The following COL5A1 variants were observed in gnomAD, a reference collection of about 807,000 sequenced individuals.
COL5A1 encodes collagen type V alpha 1 chain.
COL5A1 carries 16 observed loss-of-function variants against 263.7 expected under a neutral mutation model. The ratio of observed to expected loss-of-function variants is 0.06; its 90% CI spans 0.04 to 0.09. COL5A1 has a LOEUF of 0.09. Ranked by LOEUF, COL5A1 falls within the 10% of genes least tolerant of loss-of-function variation. The pLI is 1.00. For missense variants in COL5A1, 2,036 were observed against 2,540.5 expected (o/e 0.80, Z 4.27); for synonymous variants, 1,012 against 1,004.5 (o/e 1.01, Z -0.14).
rs78810908 is a variant in COL5A1, at chr9:134,750,930, C to T, written c.1662+48C>T. On this transcript the variant is annotated intron_variant, in intron 13 of 65. Coordinates refer to ENST00000371817, the MANE Select transcript of COL5A1 (RefSeq NM_000093.5). Reference sequence around the variant, plus strand: ...AGGCCTGAAGGGGACAGAGCCCAGCCCCAGGGGCCAACAGGAGTGAGTGAG... The same window carrying T: ...AGGCCTGAAGGGGACAGAGCCCAGCTCCAGGGGCCAACAGGAGTGAGTGAG... 1.1e-3 allele frequency: 1,737 copies of T among 1,515,486 alleles called. 15 individuals carry two copies. In the African/African-American group the frequency reaches 0.021, roughly 18 times the overall value. The allele number at this position is 1,515,486 out of a possible 1,614,324, so 93.9% of individuals were successfully genotyped here.
Position 134,818,186 on chromosome 9 carries a change from C to T in COL5A1, c.4230+355C>T, listed in dbSNP as rs1027935441. On this transcript the variant is annotated intron_variant, in intron 54 of 65. Transcript: ENST00000371817. This position sits in a 1 kb window ranked among gnomAD's most constrained non-coding sequence, Gnocchi z 6.0. ...TGAGCCGCCTACCTCTGAAGTGGAC[C>T]GTGTCCGATGGTGACCGTGTCTGCT... 2.6e-5 allele frequency among the ~76,000 whole-genome samples: 4 copies of T among 152,212 alleles called. No individual in the cohort carries two copies. The highest frequency in any genetic ancestry group is 6.5e-5 in the Admixed American group (1 of 15,288).
In COL5A1 at chr9:134,642,304, C is replaced by G; in HGVS notation, c.109+8C>G. ...CGCCTCCGAGCCGCGCAGGTAAGGG[C>G]GCCCCGGGGCGCGGGGCTGCGGGAT... On this transcript the variant is annotated splice_region_variant and intron_variant, in intron 1 of 65. Transcript: ENST00000371817. This position sits in a 1 kb window ranked among gnomAD's most constrained non-coding sequence, Gnocchi z 4.5. 5 of 923,854 alleles carry G rather than the reference C, an allele frequency of 5.4e-6. No individual in the cohort carries two copies. Among genetic ancestry groups the G allele is most frequent in the Non-Finnish European group, 6.9e-6 (5 of 728,302 alleles). The allele number at this position is 923,854 out of a possible 1,614,324, so 57.2% of individuals were successfully genotyped here. A position where few individuals can be genotyped will look rare whatever the true frequency, so the allele number is the denominator to read the frequency against.
At chr9:134,823,320 C>A (rs1260621561) in intron 60 of COL5A1, 96 bp from the exon 61 acceptor site, 4 of 1,373,842 alleles carry the variant, frequency 2.9e-6, no homozygotes, top group Admixed American at 1.7e-5. Context: ...CCACCTCCCC[C>A]ACATAGGTCT....
rs1158649406 is a variant in COL5A1, at chr9:134,679,930, TG to T, written c.110-10976del. Among the ~76,000 whole-genome samples, 13 of 151,618 alleles carry T rather than the reference TG, an allele frequency of 8.6e-5. No individual in the cohort carries two copies. The South Asian group carries it at 2.3e-3, about 27-fold the overall frequency. The stretch of plus-strand genomic sequence containing the variant: ...TGCCCAGGACCATGGGGCTTGTACA[TG>T]GGGGGTTTAGGATCCAAGTCAGTCC... On this transcript the variant is annotated intron_variant, in intron 1 of 65. Coordinates refer to ENST00000371817, the MANE Select transcript of COL5A1 (RefSeq NM_000093.5).
At chr9:134,701,473 C>T (rs1419279027) in intron 4 of COL5A1, 140 bp downstream of exon 4, 2 of 848,482 alleles carry the variant, frequency 2.4e-6, no homozygotes, top group African/African-American at 1.7e-5. Context: ...TGGTCAGAAG[C>T]CTCTGCTGCC....
Position 134,647,714 on chromosome 9 carries a change from C to T in COL5A1, c.109+5418C>T, listed in dbSNP as rs995589446. Among the ~76,000 whole-genome samples the T allele has an allele frequency of 3.9e-5, 6 of 152,168 alleles. No homozygotes were observed. The highest frequency in any genetic ancestry group is 2.1e-4 in the South Asian group (1 of 4,822). ...AGGGCAAGCCGGGTCCAGCTGGATC[C>T]GACAATTTCATGTCTTTTTAAACTC... On this transcript the variant is annotated intron_variant, in intron 1 of 65. Coordinates refer to ENST00000371817, the MANE Select transcript of COL5A1 (RefSeq NM_000093.5). This position sits in a 1 kb window ranked among gnomAD's most constrained non-coding sequence, Gnocchi z 5.0.
At position 134,742,801 on chromosome 9, in the gene COL5A1, A is replaced by G. The variant is rs1286138087; in HGVS notation, c.1494+3993A>G. ...GGCTGTGCATTTGTGAAGGTTCCCT[A>G]TGATGCCATGGTGGCAGTGCCGTGC... On this transcript the variant is annotated intron_variant, in intron 11 of 65. Transcript: ENST00000371817. The surrounding 1 kb of genome is among the most constrained non-coding windows in gnomAD (Gnocchi z 4.6). Among the ~76,000 whole-genome samples, 3 of 152,202 alleles carry G rather than the reference A, an allele frequency of 2.0e-5. No homozygotes were observed. Among genetic ancestry groups the G allele is most frequent in the African/African-American group, 7.2e-5 (3 of 41,454 alleles).
chr9:134,822,163 G>A lies in COL5A1; in HGVS notation c.4608+13G>A. 1 of 1,602,526 alleles carries A rather than the reference G, an allele frequency of 6.2e-7. No homozygotes were observed. Among genetic ancestry groups the A allele is most frequent in the Non-Finnish European group, 8.5e-7 (1 of 1,170,384 alleles). On this transcript the variant is annotated intron_variant, in intron 59 of 65. Coordinates refer to ENST00000371817, the MANE Select transcript of COL5A1 (RefSeq NM_000093.5). ...CCCTGGCCTGCCGGTGTGTATCTGG[G>A]AGGGGCTTGGTCATTCCTGGGAGGG...
Position 134,696,022 on chromosome 9 carries a change from C to A in COL5A1, c.278-3887C>A, listed in dbSNP as rs1833448280. 6.6e-6 allele frequency among the ~76,000 whole-genome samples: 1 copy of A among 152,166 alleles called. No individual in the cohort carries two copies. Among genetic ancestry groups the A allele is most frequent in the Non-Finnish European group, 1.5e-5 (1 of 68,018 alleles). Reference sequence around the variant, plus strand: ...GCCTGCCATGCTCCCCTTAGCCCGGCCCCTCCTGGGCTGCCAGGGTCCAGC... The same window carrying A: ...GCCTGCCATGCTCCCCTTAGCCCGGACCCTCCTGGGCTGCCAGGGTCCAGC... On this transcript the variant is annotated intron_variant, in intron 2 of 65. Transcript: ENST00000371817. This position sits in a 1 kb window ranked among gnomAD's most constrained non-coding sequence, Gnocchi z 4.3.
intron 53 of COL5A1, among the ~76,000 whole-genome samples, chr9:134,817,495 G>T (rs560589215): frequency 6.6e-6 from 1 of 152,290 alleles, no homozygotes; most frequent in African/African-American, 2.4e-5. Flanking sequence ...CACAACTCGC[G>T]GCGTGCACTG....
At chr9:134,773,865 C>A (rs900071953) in intron 26 of COL5A1, among the ~76,000 whole-genome samples, 2 of 152,218 alleles carry the variant, frequency 1.3e-5, no homozygotes, top group Non-Finnish European at 2.9e-5. Context: ...TTGAAGGTCG[C>A]AGCAGCCACT....
In COL5A1 at chr9:134,765,982, C is replaced by T. The variant is rs1269895272; in HGVS notation, c.2088+248C>T. 6.6e-6 allele frequency among the ~76,000 whole-genome samples: 1 copy of T among 152,266 alleles called. No individual in the cohort carries two copies. Among genetic ancestry groups the T allele is most frequent in the Non-Finnish European group, 1.5e-5 (1 of 68,044 alleles). ...TCACGCCTCCGCTTCACCCTGGCTGCACTTCCTCCTGGCAGACAGCATGTG... is the reference window on the plus strand; with the variant it reads ...TCACGCCTCCGCTTCACCCTGGCTGTACTTCCTCCTGGCAGACAGCATGTG... On this transcript the variant is annotated intron_variant, in intron 21 of 65. Coordinates refer to ENST00000371817, the MANE Select transcript of COL5A1 (RefSeq NM_000093.5). The surrounding 1 kb of genome is among the most constrained non-coding windows in gnomAD (Gnocchi z 5.1).
chr9:134,651,070 C>T lies in COL5A1; in HGVS notation c.109+8774C>T, dbSNP rs551489726. 1.9e-3 allele frequency among the ~76,000 whole-genome samples: 285 copies of T among 152,294 alleles called. 1 individual carries two copies. Among genetic ancestry groups the T allele is most frequent in the African/African-American group, 6.4e-3 (266 of 41,566 alleles). Reference sequence around the variant, plus strand: ...CCGCTCCCTCCTGTTTGTTTGCTGGCGCCAGCCTCCATGGCAGCTGGGTCC... The same window carrying T: ...CCGCTCCCTCCTGTTTGTTTGCTGGTGCCAGCCTCCATGGCAGCTGGGTCC... On this transcript the variant is annotated intron_variant, in intron 1 of 65. Coordinates refer to ENST00000371817, the MANE Select transcript of COL5A1 (RefSeq NM_000093.5).
At position 134,696,201 on chromosome 9, in the gene COL5A1, T is replaced by G. The variant is rs1486663582; in HGVS notation, c.278-3708T>G. ...TATTATTATTATTATTGAGACAGAG[T>G]CTCACTCTGTCGCCCAGGCTGGAGT... is the stretch of plus-strand genomic sequence containing the variant. On this transcript the variant is annotated intron_variant, in intron 2 of 65. Transcript: ENST00000371817. The surrounding 1 kb of genome is among the most constrained non-coding windows in gnomAD (Gnocchi z 4.3). 1.3e-5 allele frequency among the ~76,000 whole-genome samples: 2 copies of G among 151,968 alleles called. No individual in the cohort carries two copies. Among genetic ancestry groups the G allele is most frequent in the African/African-American group, 4.8e-5 (2 of 41,348 alleles).
rs370519890 is a variant in COL5A1 at position 134,758,438 on chromosome 9, G to T, written c.1935+142G>T. On this transcript the variant is annotated intron_variant, in intron 18 of 65. Coordinates refer to ENST00000371817, the MANE Select transcript of COL5A1 (RefSeq NM_000093.5). This position sits in a 1 kb window ranked among gnomAD's most constrained non-coding sequence, Gnocchi z 4.1. ...CCAACAGTCAGTATACAAACCTCAC[G>T]GGAGTCAGCAATGGCAGTGAGCCCC... 241 of 818,078 alleles carry T rather than the reference G, an allele frequency of 2.9e-4. No homozygotes were observed. The highest frequency in any genetic ancestry group is 4.3e-4 in the Non-Finnish European group (211 of 492,422). 50.7% of individuals were successfully genotyped at this position (818,078 alleles called of 1,614,324 possible).
intron 34 of COL5A1, 28 bp downstream of exon 34, chr9:134,795,343 G>A (rs1253707932): frequency 1.2e-6 from 2 of 1,611,976 alleles, no homozygotes; most frequent in Admixed American, 1.7e-5. Flanking sequence ...TGGGCGGTGG[G>A]CGGCGTGAAC....
At chr9:134,805,263 G>C (rs368591716) in intron 41 of COL5A1, 49 bp downstream of exon 41, 67 of 1,601,640 alleles carry the variant, frequency 4.2e-5, no homozygotes, top group Non-Finnish European at 5.5e-5. Context: ...CTACTCTCCA[G>C]GTCAGAAGGG....
At chr9:134,826,858 GTGTGGCTGGTGTATGTGGGTGCA>G (rs1424636925) in intron 63 of COL5A1, among the ~76,000 whole-genome samples, 16 of 151,732 alleles carry the variant, frequency 1.1e-4, no homozygotes, top group African/African-American at 2.7e-4. Flanking sequence ...GTGTGGGTGT[GTGTGGCTGGTGTATGTGGGTGCA>G]TGTGGCTGGC....
In COL5A1 at chr9:134,680,132, C is replaced by T. The variant is rs117470848; in HGVS notation, c.110-10780C>T. Among the ~76,000 whole-genome samples the T allele has an allele frequency of 0.11, 16,897 of 152,168 alleles. 1,197 individuals carry two copies. Among genetic ancestry groups the T allele is most frequent in the Admixed American group, 0.16 (2,522 of 15,298 alleles). ...AGGACTACCCCGGAGGCCCTTTGGA[C>T]GGGCCCTTCATTCTTCAGCAAGGAA... On this transcript the variant is annotated intron_variant, in intron 1 of 65. Coordinates refer to ENST00000371817, the MANE Select transcript of COL5A1 (RefSeq NM_000093.5). This position sits in a 1 kb window ranked among gnomAD's most constrained non-coding sequence, Gnocchi z 5.9.
Sources: allele counts gnomAD v4.1 joint callset (sites outside exome capture counted in the v4.1 genomes callset), GRCh38; gene constraint gnomAD v4.1.1; non-coding constraint Gnocchi (gnomAD v3.1); transcripts MANE v1.5; gene names NCBI Gene and HGNC (gene_info 2026-07-23, HGNC 2026-07-21).